The following ADAMTS2 variants were observed in gnomAD, a reference collection of about 807,000 sequenced individuals.
ADAMTS2 encodes ADAM metallopeptidase with thrombospondin type 1 motif 2, also known as A disintegrin and metalloproteinase with thrombospondin motifs 2.
In ADAMTS2, 50 loss-of-function variants were observed where a neutral mutation model predicts 123.0. That is an observed-to-expected ratio of 0.41 (90% CI 0.32 to 0.51). The LOEUF is 0.51. Ranked by LOEUF, ADAMTS2 falls within the 20% of genes least tolerant of loss-of-function variation. The probability of loss-of-function intolerance (pLI) is 0.35; values close to 1 mark genes in which losing one functional copy is unlikely to be tolerated. For missense variants in ADAMTS2, 1,494 were observed against 1,705.2 expected, an observed-to-expected ratio of 0.88 and a Z score of 2.18; for synonymous variants, 678 against 695.4, an observed-to-expected ratio of 0.98 and a Z score of 0.39.
At chr5:179,257,552 G>C (rs1766092269) in intron 3 of ADAMTS2, among the ~76,000 whole-genome samples, 1 of 152,202 alleles carries the variant, frequency 6.6e-6, no homozygotes, top group African/African-American at 2.4e-5. Context: ...CTGGGGCCCT[G>C]CGCCCTCCCC....
chr5:179,339,208 T>C (rs26813), intron 2 of ADAMTS2, among the ~76,000 whole-genome samples: 27,688 of 152,210 alleles, frequency 0.18, 2,629 homozygotes, highest in African/African-American at 0.25. Flanking sequence ...TAGGCCCGCA[T>C]CACAGCCATG....
At chr5:179,215,467 A>C (rs115837168) in intron 3 of ADAMTS2, among the ~76,000 whole-genome samples, 3,389 of 152,302 alleles carry the variant, frequency 0.022, 107 homozygotes, top group African/African-American at 0.073. Flanking sequence ...AAAACAAAAC[A>C]AAAAAACTTC....
Position 179,158,270 on chromosome 5 carries a change from T to C in ADAMTS2, c.1132+453A>G, listed in dbSNP as rs1763522910. On this transcript the variant is annotated intron_variant, in intron 6 of 21. Coordinates refer to ENST00000251582, the MANE Select transcript of ADAMTS2 (RefSeq NM_014244.5). The surrounding 1 kb of genome is among the most constrained non-coding windows in gnomAD (Gnocchi z 5.0). ...GTGAACCACCGCGCCCGGCCTTTTG[T>C]CTCTTTTTAAAGAAAACATCTCTTA... is the stretch of plus-strand genomic sequence containing the variant. 6.6e-6 allele frequency among the ~76,000 whole-genome samples: 1 copy of C among 152,164 alleles called. No homozygotes were observed. The highest frequency in any genetic ancestry group is 2.1e-4 in the South Asian group (1 of 4,822).
At chr5:179,190,839 C>T (rs770052687) in intron 4 of ADAMTS2, among the ~76,000 whole-genome samples, 4 of 152,274 alleles carry the variant, frequency 2.6e-5, no homozygotes, top group Non-Finnish European at 5.9e-5. Context: ...CCCACCCTGG[C>T]TCTCCTCCTG....
At position 179,202,079 on chromosome 5, in the gene ADAMTS2, C is replaced by T. The variant is rs1764580467; in HGVS notation, c.891+5434G>A. 6.6e-6 allele frequency among the ~76,000 whole-genome samples: 1 copy of T among 152,182 alleles called. No individual in the cohort carries two copies. Among genetic ancestry groups the T allele is most frequent in the African/African-American group, 2.4e-5 (1 of 41,452 alleles). The stretch of plus-strand genomic sequence containing the variant: ...TCCCATAGAAAAGGGAATATCACGT[C>T]TTGTCTTTAACATAGACAGGAAGCA... On this transcript the variant is annotated intron_variant, in intron 4 of 21. Coordinates refer to ENST00000251582, the MANE Select transcript of ADAMTS2 (RefSeq NM_014244.5). The surrounding 1 kb of genome is among the most constrained non-coding windows in gnomAD (Gnocchi z 4.0).
intron 2 of ADAMTS2, 41 bp from the exon 3 acceptor site, chr5:179,273,105 A>G (rs551247427): frequency 2.1e-5 from 34 of 1,612,998 alleles, no homozygotes; most frequent in Middle Eastern, 3.3e-4. Flanking sequence ...CCAGCACACA[A>G]AAGACCAAGG....
At chr5:179,150,959 C>T (rs1763344791) in intron 10 of ADAMTS2, 2 of 184,516 alleles carry the variant, frequency 1.1e-5, no homozygotes, top group South Asian at 8.5e-5. Context: ...AGCAGCGACG[C>T]GATCTTGGCT....
At chr5:179,124,031 C>T (rs539771846) in intron 19 of ADAMTS2, among the ~76,000 whole-genome samples, 4 of 152,360 alleles carry the variant, frequency 2.6e-5, no homozygotes, top group South Asian at 2.1e-4. Context: ...AGGGCATTTC[C>T]GTGACCCCAC....
intron 3 of ADAMTS2, among the ~76,000 whole-genome samples, chr5:179,220,179 T>C (rs1044968611): frequency 6.6e-6 from 1 of 152,184 alleles, no homozygotes; most frequent in Non-Finnish European, 1.5e-5. Flanking sequence ...AGGTCTTTTA[T>C]TGAAAATATT....
intron 2 of ADAMTS2, among the ~76,000 whole-genome samples, chr5:179,320,039 T>A (rs1291361809): frequency 1.3e-5 from 2 of 152,080 alleles, no homozygotes; most frequent in African/African-American, 4.8e-5. Flanking sequence ...TCAGTCAACC[T>A]CCCCAGCCTT....
chr5:179,143,047 A>G (rs569204477), intron 10 of ADAMTS2, among the ~76,000 whole-genome samples: 1 of 152,360 alleles, frequency 6.6e-6, no homozygotes, highest in South Asian at 2.1e-4. Flanking sequence ...TTTAAAGAAC[A>G]AAAGGAAATC....
chr5:179,219,104 G>C (rs1765068722), intron 3 of ADAMTS2, among the ~76,000 whole-genome samples: 1 of 152,196 alleles, frequency 6.6e-6, no homozygotes, highest in African/African-American at 2.4e-5. Context: ...AAGGGGTCCT[G>C]TTAGGCCACT....
intron 3 of ADAMTS2, among the ~76,000 whole-genome samples, chr5:179,248,220 T>C (rs934718896): frequency 2.0e-5 from 3 of 152,176 alleles, no homozygotes; most frequent in Non-Finnish European, 4.4e-5. Flanking sequence ...AATAAGACCA[T>C]AGCTTTTAAA....
intron 2 of ADAMTS2, among the ~76,000 whole-genome samples, chr5:179,329,522 T>C (rs1247973725): frequency 6.6e-6 from 1 of 152,088 alleles, no homozygotes; most frequent in African/African-American, 2.4e-5. Flanking sequence ...TTATACAGTA[T>C]AAGAAACACA....
chr5:179,244,218 C>T (rs1447399604), intron 3 of ADAMTS2, among the ~76,000 whole-genome samples: 1 of 152,158 alleles, frequency 6.6e-6, no homozygotes, highest in Non-Finnish European at 1.5e-5. Context: ...CACCCAGAGA[C>T]ATCATAGTAA....
intron 2 of ADAMTS2, among the ~76,000 whole-genome samples, chr5:179,326,234 AC>A (rs1757317408): frequency 7.9e-6 from 1 of 127,196 alleles, no homozygotes. Context: ...GTGTGTGTCC[AC>A]CCCCAGCCGG....
intron 21 of ADAMTS2, among the ~76,000 whole-genome samples, chr5:179,114,609 T>G (rs1277302078): frequency 6.6e-6 from 1 of 152,176 alleles, no homozygotes. Context: ...TCTCTTAAAG[T>G]TTGAGAAAGA....
At chr5:179,240,193 G>A (rs1191364572) in intron 3 of ADAMTS2, among the ~76,000 whole-genome samples, 1 of 152,200 alleles carries the variant, frequency 6.6e-6, no homozygotes, top group Admixed American at 6.5e-5. Context: ...CAAACAGACT[G>A]AGGGGAGCAG....
At chr5:179,306,062 G>T (rs1424923830) in intron 2 of ADAMTS2, among the ~76,000 whole-genome samples, 1 of 151,890 alleles carries the variant, frequency 6.6e-6, no homozygotes, top group East Asian at 1.9e-4. Flanking sequence ...GGAAAAAATG[G>T]CACCAATTCT....
Sources: gnomAD v4.1 joint callset for allele counts (sites outside exome capture counted in the v4.1 genomes callset) on GRCh38, gnomAD v4.1.1 for gene constraint, Gnocchi (gnomAD v3.1) non-coding constraint, MANE v1.5 for transcripts, NCBI Gene and HGNC (gene_info 2026-07-23, HGNC 2026-07-21) for gene names.